Variants in GAS7 observed in about 807,000 individuals in gnomAD.
GAS7 encodes the protein growth arrest-specific protein 7.
A neutral mutation model predicts 71.1 loss-of-function variants in GAS7; 28 were observed. That is an observed-to-expected ratio of 0.39 (90% confidence interval 0.29 to 0.54). The LOEUF (loss-of-function observed/expected upper bound fraction) is 0.54. GAS7 is among the 20% of genes least tolerant of loss of function. GAS7 has a pLI of 0.62. For synonymous variants in GAS7, 258 were observed against 245.8 expected, an observed-to-expected ratio of 1.05 and a Z score of -0.46; for missense variants, 436 against 627.8, an observed-to-expected ratio of 0.69 and a Z score of 3.27.
chr17:10,115,617 T>C (rs539947836), intron 1 of GAS7, among the ~76,000 whole-genome samples: 2 of 150,160 alleles, frequency 1.3e-5, no homozygotes, highest in Admixed American at 6.6e-5. Flanking sequence ...GCATGAGGTG[T>C]CCATTGTGGG....
intron 2 of GAS7, among the ~76,000 whole-genome samples, chr17:9,992,973 A>G (rs2093929957): frequency 6.6e-6 from 1 of 151,836 alleles, no homozygotes; most frequent in African/African-American, 2.4e-5. Context: ...CATGGTGTAT[A>G]TGTGCCACAT....
At chr17:10,140,418 C>T (rs1376178127) in intron 1 of GAS7, among the ~76,000 whole-genome samples, 1 of 152,104 alleles carries the variant, frequency 6.6e-6, no homozygotes, top group Non-Finnish European at 1.5e-5. Context: ...CCGTGACTGC[C>T]ACTGCACTCC....
At chr17:9,978,555 G>A (rs548812888) in intron 3 of GAS7, among the ~76,000 whole-genome samples, 2 of 151,848 alleles carry the variant, frequency 1.3e-5, no homozygotes, top group East Asian at 3.9e-4. Flanking sequence ...GCACACGCCT[G>A]TAGTTCCAGC....
chr17:10,024,061 T>C (rs1156560081), intron 1 of GAS7, among the ~76,000 whole-genome samples: 2 of 152,088 alleles, frequency 1.3e-5, no homozygotes, highest in African/African-American at 2.4e-5. Context: ...GAGGCGGAGG[T>C]TGCCGTGAGC....
In GAS7 at chr17:10,030,646, G is replaced by A. The variant is rs80007179; in HGVS notation, c.184-10749C>T. On this transcript the variant is annotated intron_variant, in intron 1 of 13. Coordinates refer to ENST00000432992, the MANE Select transcript of GAS7 (RefSeq NM_201433.2). ...CCCTTCTTATTAGAAATCACCTAGT[G>A]AGCAGGGCTGCCTCCTTGAGTCCCT... is the stretch of plus-strand genomic sequence containing the variant. Among the ~76,000 whole-genome samples the A allele has an allele frequency of 7.3e-3, 1,112 of 152,320 alleles. 38 individuals carry two copies. In the East Asian group the frequency reaches 0.12, roughly 16 times the overall value.
intron 3 of GAS7, among the ~76,000 whole-genome samples, chr17:9,970,909 G>A (rs990744158): frequency 1.3e-5 from 2 of 152,160 alleles, no homozygotes; most frequent in Non-Finnish European, 2.9e-5. Context: ...CGGTTCCCAG[G>A]TGGTACCGCT....
In GAS7 at chr17:10,129,290, G is replaced by A. The variant is rs2073977880; in HGVS notation, c.183+68918C>T. ...GGCTTATGCCTGTAATCCCAGCAAC[G>A]ATGGGAGGCTGAGGTAGGTGCATCA... On this transcript the variant is annotated intron_variant, in intron 1 of 13. Coordinates refer to ENST00000432992, the MANE Select transcript of GAS7 (RefSeq NM_201433.2). Among the ~76,000 whole-genome samples, 3 of 152,278 alleles carry A rather than the reference G, an allele frequency of 2.0e-5. No individual in the cohort carries two copies. In the South Asian group the frequency reaches 6.2e-4, roughly 32 times the overall value.
chr17:10,138,092 A>T (rs1162079041), intron 1 of GAS7, among the ~76,000 whole-genome samples: 1 of 151,788 alleles, frequency 6.6e-6, no homozygotes, highest in East Asian at 2.0e-4. Flanking sequence ...CCTCCCGAGT[A>T]GCTGGGACTA....
rs74422348 is a variant in GAS7 at position 10,100,966 on chromosome 17, G to A, written c.184-81069C>T. On this transcript the variant is annotated intron_variant, in intron 1 of 13. Transcript: ENST00000432992. ...GTAACAAATTTGCCCAAAAATTAGC[G>A]ACTTAAAACAACAGTCATTTGGCCA... 6.9e-3 allele frequency among the ~76,000 whole-genome samples: 1,057 copies of A among 152,156 alleles called. 13 individuals carry two copies. Among genetic ancestry groups the A allele is most frequent in the African/African-American group, 0.023 (957 of 41,510 alleles).
intron 2 of GAS7, among the ~76,000 whole-genome samples, chr17:9,991,178 A>G (rs2070827651): frequency 6.6e-6 from 1 of 152,310 alleles, no homozygotes; most frequent in Non-Finnish European, 1.5e-5. Flanking sequence ...CTTCTACCCC[A>G]GAAGCTGGAT....
rs574142911 is a variant in GAS7, at chr17:9,911,029, G to A, written c.*6199C>T. 192 of 233,034 alleles carry A rather than the reference G, an allele frequency of 8.2e-4. No homozygotes were observed. Among genetic ancestry groups the A allele is most frequent in the African/African-American group, 3.8e-3 (172 of 45,424 alleles). 14.4% of individuals were successfully genotyped at this position (233,034 alleles called of 1,614,324 possible). On this transcript the variant is annotated 3_prime_UTR_variant, in exon 14 of 14. Transcript: ENST00000432992. This position sits in a 1 kb window ranked among gnomAD's most constrained non-coding sequence, Gnocchi z 4.0. ...TTTCATAGGGTTTGCCGATGTGCTC[G>A]TGTCTGTGAAGGGGTTGCTTCCGGT...
intron 1 of GAS7, among the ~76,000 whole-genome samples, chr17:10,063,834 G>T (rs951909803): frequency 2.0e-5 from 3 of 152,184 alleles, no homozygotes; most frequent in Admixed American, 2.0e-4. Context: ...AGACACTCAG[G>T]TCATGGGCTT....
chr17:10,016,905 G>A (rs1418851083), intron 2 of GAS7, among the ~76,000 whole-genome samples: 3 of 150,662 alleles, frequency 2.0e-5, no homozygotes, highest in Non-Finnish European at 3.0e-5. Flanking sequence ...AGCCATGATC[G>A]TGCCACTGCA....
intron 2 of GAS7, among the ~76,000 whole-genome samples, chr17:10,004,883 G>A (rs1170786185): frequency 1.3e-5 from 2 of 152,124 alleles, no homozygotes; most frequent in African/African-American, 2.4e-5. Flanking sequence ...GGTGGCGCAT[G>A]CCTGTAATCC....
chr17:9,979,095 T>G (rs1441264188), intron 3 of GAS7, among the ~76,000 whole-genome samples: 4 of 152,174 alleles, frequency 2.6e-5, no homozygotes, highest in Non-Finnish European at 4.4e-5. Flanking sequence ...GAGGAAAGCT[T>G]AACACATATG....
At chr17:10,015,880 T>C (rs2071975822) in intron 2 of GAS7, among the ~76,000 whole-genome samples, 1 of 152,108 alleles carries the variant, frequency 6.6e-6, no homozygotes. Context: ...TGTGACATGC[T>C]CTTAAAACAC....
At chr17:10,082,442 T>C (rs763279023) in intron 1 of GAS7, among the ~76,000 whole-genome samples, 1 of 152,162 alleles carries the variant, frequency 6.6e-6, no homozygotes, top group Non-Finnish European at 1.5e-5. Flanking sequence ...AAATACAAGA[T>C]AAAAGCACCA....
chr17:9,993,920 C>T (rs1003755233), intron 2 of GAS7, among the ~76,000 whole-genome samples: 1 of 152,144 alleles, frequency 6.6e-6, no homozygotes, highest in Non-Finnish European at 1.5e-5. Flanking sequence ...TGAATGAACT[C>T]CCACTCACAA....
intron 6 of GAS7, among the ~76,000 whole-genome samples, chr17:9,945,394 G>A (rs2068752742): frequency 6.6e-6 from 1 of 151,652 alleles, no homozygotes; most frequent in Non-Finnish European, 1.5e-5. Flanking sequence ...GGCCTAGAAA[G>A]TCTTACGCAC....
Sources: gnomAD v4.1 joint callset for allele counts (sites outside exome capture counted in the v4.1 genomes callset) on GRCh38, gnomAD v4.1.1 for gene constraint, Gnocchi (gnomAD v3.1) non-coding constraint, MANE v1.5 for transcripts, NCBI Gene and HGNC (gene_info 2026-07-23, HGNC 2026-07-21) for gene names.